POU2F1: variants seen among roughly 807,000 people sequenced by gnomAD.
The protein encoded by POU2F1 is POU domain, class 2, transcription factor 1.
POU2F1 carries 16 observed loss-of-function variants against 84.9 expected under a neutral mutation model. The observed-to-expected ratio is 0.19, with a 90% confidence interval of 0.13 to 0.29. The LOEUF (loss-of-function observed/expected upper bound fraction) is 0.29. Among genes scored for constraint, POU2F1 ranks in the 10% least tolerant of loss-of-function variants. POU2F1 has a pLI of 1.00. For missense variants in POU2F1, 738 were observed against 942.6 expected, an observed-to-expected ratio of 0.78 and a Z score of 2.84; for synonymous variants, 368 against 368.3, an observed-to-expected ratio of 1.00 and a Z score of 0.01.
intron 1 of POU2F1, among the ~76,000 whole-genome samples, chr1:167,332,093 A>G (rs1657113743): frequency 6.6e-6 from 1 of 152,056 alleles, no homozygotes; most frequent in East Asian, 1.9e-4. Context: ...TTTATTTGGG[A>G]ATAACATTTT....
At chr1:167,378,402 A>ATT (rs71572454) in intron 7 of POU2F1, among the ~76,000 whole-genome samples, 89 of 108,414 alleles carry the variant, frequency 8.2e-4, no homozygotes, top group South Asian at 6.4e-3. Flanking sequence ...TGCCCAGCTA[A>ATT]TTTTTTTTTT....
At chr1:167,359,647 T>C (rs1242707331) in intron 2 of POU2F1, among the ~76,000 whole-genome samples, 1 of 152,202 alleles carries the variant, frequency 6.6e-6, no homozygotes, top group Non-Finnish European at 1.5e-5. Context: ...AACATGCAAA[T>C]GCAGGTGTCT....
intron 2 of POU2F1, among the ~76,000 whole-genome samples, chr1:167,339,176 C>T (rs1571327605): frequency 4.6e-5 from 7 of 152,188 alleles, no homozygotes; most frequent in African/African-American, 1.7e-4. Context: ...CTTTCCTGTC[C>T]CCCTCCTCCC....
intron 1 of POU2F1, among the ~76,000 whole-genome samples, chr1:167,231,271 C>T (rs1649043194): frequency 1.3e-5 from 2 of 151,924 alleles, no homozygotes; most frequent in African/African-American, 4.8e-5. Flanking sequence ...TATTCAGAAA[C>T]ATCTTTTGGG....
intron 1 of POU2F1, among the ~76,000 whole-genome samples, chr1:167,295,525 G>A (rs1031941990): frequency 1.3e-5 from 2 of 152,144 alleles, no homozygotes; most frequent in Non-Finnish European, 2.9e-5. Flanking sequence ...GGAGACAGAC[G>A]TGGGAAGAGA....
Position 167,220,894 on chromosome 1 carries a change from CA to C in POU2F1, c.1del, listed in dbSNP as rs1176643208. ...ACCGGGCGATTTTGGTTAAAATATT[CA>C]AAATGGCGGACGGAGGAGCAGCGAG... On this transcript the variant is annotated 5_prime_UTR_variant, in exon 1 of 16. Coordinates refer to ENST00000367866, the MANE Select transcript of POU2F1 (RefSeq NM_002697.4). 4 of 1,534,882 alleles carry C rather than the reference CA, an allele frequency of 2.6e-6. No homozygotes were observed. The highest frequency in any genetic ancestry group is 1.7e-6 in the Non-Finnish European group (2 of 1,146,692).
chr1:167,391,206 C>G (rs958419382), intron 9 of POU2F1, among the ~76,000 whole-genome samples: 1 of 152,060 alleles, frequency 6.6e-6, no homozygotes, highest in African/African-American at 2.4e-5. Context: ...TCCCAAAGTG[C>G]TAGGATTACA....
In POU2F1 at chr1:167,220,932, G is replaced by C. The variant is rs1648061087; in HGVS notation, c.35G>C (p.Ser12Thr). 1 of 1,535,192 alleles carries C rather than the reference G, an allele frequency of 6.5e-7. No homozygotes were observed. Among genetic ancestry groups the C allele is most frequent in the Non-Finnish European group, 8.7e-7 (1 of 1,146,776 alleles). ...ADGGAASQDE[S>T]SAAAAAAADS... Reference sequence around the variant, plus strand: ...GGAGGAGCAGCGAGTCAAGATGAGAGTTCAGCCGCGGCGGCAGCAGCAGCA... The same window carrying C: ...GGAGGAGCAGCGAGTCAAGATGAGACTTCAGCCGCGGCGGCAGCAGCAGCA... Residue 12 changes from serine (S) to threonine (T), a missense_variant, in exon 1 of 16, where the codon AGT becomes ACT. Physicochemically the swap from Ser to Thr is moderately conservative, Grantham distance 58. This residue lies in a region of POU2F1 where 161 missense variants were observed against 147.0 expected (regional missense o/e 1.10). Transcript: ENST00000367866.
At chr1:167,335,955 A>AT (rs1420857796) in intron 2 of POU2F1, among the ~76,000 whole-genome samples, 1 of 152,188 alleles carries the variant, frequency 6.6e-6, no homozygotes, top group Non-Finnish European at 1.5e-5. Context: ...ATATGTTGGA[A>AT]TTTTTTTGAG....
chr1:167,226,571 A>G (rs1203347637), intron 1 of POU2F1, among the ~76,000 whole-genome samples: 1 of 152,218 alleles, frequency 6.6e-6, no homozygotes, highest in Non-Finnish European at 1.5e-5. Flanking sequence ...AACAATGGAA[A>G]CAAAAATAGC....
chr1:167,338,012 G>A (rs1657585694), intron 2 of POU2F1: 3 of 397,144 alleles, frequency 7.6e-6, no homozygotes, highest in Non-Finnish European at 1.5e-5. Flanking sequence ...TAAAGCACAT[G>A]GTGGAAGAAG....
Position 167,423,150 on chromosome 1 carries a change from A to G in POU2F1, c.*7340A>G, listed in dbSNP as rs1480521422. On this transcript the variant is annotated 3_prime_UTR_variant, in exon 16 of 16. Coordinates refer to ENST00000367866, the MANE Select transcript of POU2F1 (RefSeq NM_002697.4). The stretch of plus-strand genomic sequence containing the variant: ...CTCCATCTGTCTCCTGTAAAAGATA[A>G]GAATTTTCAAGAACAGGATTACGTG... 1 of 152,258 alleles carries G rather than the reference A, an allele frequency of 6.6e-6. No homozygotes were observed. Among genetic ancestry groups the G allele is most frequent in the Non-Finnish European group, 1.5e-5 (1 of 68,042 alleles). 9.4% of individuals were successfully genotyped at this position (152,258 alleles called of 1,614,324 possible). A position where few individuals can be genotyped will look rare whatever the true frequency, so the allele number is the denominator to read the frequency against.
intron 1 of POU2F1, among the ~76,000 whole-genome samples, chr1:167,277,615 T>C (rs984452214): frequency 3.3e-5 from 5 of 152,132 alleles, no homozygotes; most frequent in Non-Finnish European, 7.4e-5. Context: ...CCAGCCACCT[T>C]TGTTGTCCAG....
At chr1:167,287,845 T>C (rs968908836) in intron 1 of POU2F1, among the ~76,000 whole-genome samples, 12 of 152,082 alleles carry the variant, frequency 7.9e-5, no homozygotes, top group African/African-American at 2.9e-4. Context: ...AGACACATTA[T>C]CGTGAAAATG....
chr1:167,280,166 C>T (rs1021603843), intron 1 of POU2F1, among the ~76,000 whole-genome samples: 83 of 141,644 alleles, frequency 5.9e-4, no homozygotes, highest in African/African-American at 2.0e-3. Flanking sequence ...CCAGCCTGGG[C>T]GACAGAGTGA....
chr1:167,321,208 G>T (rs1656290746), intron 1 of POU2F1, among the ~76,000 whole-genome samples: 1 of 152,228 alleles, frequency 6.6e-6, no homozygotes, highest in South Asian at 2.1e-4. Flanking sequence ...TTTTTTACGA[G>T]TAGGTTCAAT....
intron 7 of POU2F1, among the ~76,000 whole-genome samples, chr1:167,378,406 T>C (rs1487160823): frequency 6.8e-6 from 1 of 147,176 alleles, no homozygotes; most frequent in South Asian, 2.2e-4. Context: ...CAGCTAATTT[T>C]TTTTTTTTTT....
intron 1 of POU2F1, among the ~76,000 whole-genome samples, chr1:167,309,965 C>T (rs113772072): frequency 3.3e-5 from 5 of 152,056 alleles, no homozygotes; most frequent in African/African-American, 1.2e-4. Context: ...TCTCATTTAC[C>T]TCAGCTCTAA....
intron 1 of POU2F1, among the ~76,000 whole-genome samples, chr1:167,274,701 G>A (rs528499357): frequency 7.2e-5 from 11 of 152,210 alleles, no homozygotes; most frequent in African/African-American, 1.4e-4. Context: ...CTGTGTTTCC[G>A]AAAGGGTTGG....
Sources: allele counts gnomAD v4.1 joint callset (sites outside exome capture counted in the v4.1 genomes callset), GRCh38; gene constraint gnomAD v4.1.1; regional missense constraint gnomAD v4.1.1; transcripts MANE v1.5; gene names NCBI Gene and HGNC (gene_info 2026-07-23, HGNC 2026-07-21).